RHOD: variants seen among roughly 807,000 people sequenced by gnomAD.
RHOD encodes ras homolog family member D, also known as rho-related GTP-binding protein RhoD.
Under a neutral mutation model 16.7 loss-of-function variants are expected in RHOD, and 11 were observed. That is an observed-to-expected ratio of 0.66 (90% CI 0.41 to 1.09). The LOEUF is 1.09. Ranked by LOEUF, RHOD falls within the 50% of genes least tolerant of loss-of-function variation. The pLI is 0.00. For synonymous variants in RHOD, 124 were observed against 126.3 expected, an observed-to-expected ratio of 0.98 and a Z score of 0.12; for missense variants, 271 against 291.7, an observed-to-expected ratio of 0.93 and a Z score of 0.52.
intron 4 of RHOD, 73 bp from the exon 5 acceptor site, chr11:67,071,362 G>A (rs1415855950): frequency 1.7e-5 from 25 of 1,434,084 alleles, no homozygotes; most frequent in East Asian, 2.5e-5. Flanking sequence ...ACTCTTGTCC[G>A]GGAAAAGGAA....
chr11:67,065,990 GTGCA>G lies in RHOD; in HGVS notation c.220+8_220+11del. On this transcript the variant is annotated splice_region_variant and intron_variant, in intron 2 of 4. Coordinates refer to ENST00000308831, the MANE Select transcript of RHOD (RefSeq NM_014578.4). Reference sequence around the variant, plus strand: ...CACATCTGGGACACAGCAGGTGGGTGTGCAGGGGTGGGGCAGGGTGGGAGGGGCT... The same window carrying G: ...CACATCTGGGACACAGCAGGTGGGTGGGGGTGGGGCAGGGTGGGAGGGGCT... 1 of 1,554,656 alleles carries G rather than the reference GTGCA, an allele frequency of 6.4e-7. No homozygotes were observed. Among genetic ancestry groups the G allele is most frequent in the Non-Finnish European group, 8.9e-7 (1 of 1,127,194 alleles).
chr11:67,056,918 G>C lies in RHOD; in HGVS notation c.16G>C (p.Ala6Pro). The C allele has an allele frequency of 6.8e-7, 1 of 1,466,936 alleles. No individual in the cohort carries two copies. The highest frequency in any genetic ancestry group is 8.9e-7 in the Non-Finnish European group (1 of 1,118,050). The allele number at this position is 1,466,936 out of a possible 1,614,324, so 90.9% of individuals were successfully genotyped here. A position where few individuals can be genotyped will look rare whatever the true frequency, so the allele number is the denominator to read the frequency against. Residue 6 changes from alanine to proline, a missense_variant, in exon 1 of 5, where the codon GCC (alanine) becomes CCC (proline). By Grantham distance (27) the Ala-to-Pro change is conservative. Transcript: ENST00000308831. MTAAQ[A>P]AGEEAPPGVR... ...CGGCCCCGGGATGACGGCGGCCCAG[G>C]CCGCGGGTGAGGAGGCGCCACCAGG...
chr11:67,057,175 C>A lies in RHOD; in HGVS notation c.132+141C>A. ...GGGGCCTGGGGTCCAGGGCAGAGTT[C>A]TTCCGCCCCAGCCATTGGGAATGAA... On this transcript the variant is annotated intron_variant, in intron 1 of 4. Transcript: ENST00000308831. 2.9e-6 allele frequency: 3 copies of A among 1,047,716 alleles called. No individual in the cohort carries two copies. In the African/African-American group the frequency reaches 5.1e-5, roughly 18 times the overall value. 64.9% of individuals were successfully genotyped at this position (1,047,716 alleles called of 1,614,324 possible).
rs901336614 is a variant in RHOD at position 67,065,931 on chromosome 11, C to G, written c.168C>G (p.Val56=). ...YTPTVFERYM[V]NLQVKGKPVH... ...CCACGGTGTTTGAGCGGTACATGGT[C>G]AACCTGCAAGTGAAAGGCAAACCTG... The change falls in exon 2 of 5, where the codon GTC becomes GTG. Residue 56 remains valine (V), a synonymous_variant. Coordinates refer to ENST00000308831, the MANE Select transcript of RHOD (RefSeq NM_014578.4). 1.4e-5 allele frequency: 21 copies of G among 1,522,420 alleles called. No homozygotes were observed. The highest frequency in any genetic ancestry group is 1.9e-5 in the Non-Finnish European group (21 of 1,121,650). The allele number at this position is 1,522,420 out of a possible 1,614,324, so 94.3% of individuals were successfully genotyped here.
intron 1 of RHOD, among the ~76,000 whole-genome samples, chr11:67,059,385 C>T (rs1854858477): frequency 6.6e-6 from 1 of 151,472 alleles, no homozygotes; most frequent in African/African-American, 2.4e-5. Context: ...ACCGAAAATA[C>T]AAAAAAAATT....
chr11:67,057,202 G>T (rs1327038081), intron 1 of RHOD, among the ~76,000 whole-genome samples, 168 bp downstream of exon 1: 1 of 152,246 alleles, frequency 6.6e-6, no homozygotes, highest in African/African-American at 2.4e-5. Context: ...GGGAATGAAG[G>T]CCTCAGTGAT....
At chr11:67,057,566 C>T (rs1854828715) in intron 1 of RHOD, among the ~76,000 whole-genome samples, 1 of 152,232 alleles carries the variant, frequency 6.6e-6, no homozygotes, top group Non-Finnish European at 1.5e-5. Flanking sequence ...ACATGTCGCT[C>T]CTGGGAAACA....
chr11:67,061,832 G>T (rs1854894118), intron 1 of RHOD, among the ~76,000 whole-genome samples: 1 of 144,728 alleles, frequency 6.9e-6, no homozygotes, highest in African/African-American at 2.6e-5. Context: ...GTGTGTGTGT[G>T]TGTGTGTGTG....
intron 1 of RHOD, among the ~76,000 whole-genome samples, chr11:67,064,441 A>G (rs971688426): frequency 2.6e-5 from 4 of 151,768 alleles, no homozygotes; most frequent in African/African-American, 7.3e-5. Context: ...AGGAAAAAAA[A>G]CGGTAGAGGG....
chr11:67,060,274 G>A (rs895287126), intron 1 of RHOD, among the ~76,000 whole-genome samples: 1 of 152,234 alleles, frequency 6.6e-6, no homozygotes, highest in African/African-American at 2.4e-5. Flanking sequence ...TTCATTTTCT[G>A]TCTGTGAGCC....
At chr11:67,060,119 G>A (rs1854867916) in intron 1 of RHOD, among the ~76,000 whole-genome samples, 1 of 152,202 alleles carries the variant, frequency 6.6e-6, no homozygotes, top group African/African-American at 2.4e-5. Flanking sequence ...CACCAGCATG[G>A]GGATAGGAGG....
chr11:67,064,105 C>CAAAAAA (rs1280364068), intron 1 of RHOD, among the ~76,000 whole-genome samples: 1 of 45,588 alleles, frequency 2.2e-5, no homozygotes. Flanking sequence ...GACTCCGTCT[C>CAAAAAA]AAAAAAAAAA....
chr11:67,066,973 G>A, intron 3 of RHOD, 126 bp downstream of exon 3: 1 of 723,608 alleles, frequency 1.4e-6, no homozygotes, highest in South Asian at 1.5e-5. Flanking sequence ...CAGAGCTTTT[G>A]GTGTATATAT....
intron 3 of RHOD, 123 bp downstream of exon 3, chr11:67,066,970 T>G: frequency 1.4e-6 from 1 of 734,790 alleles, no homozygotes; most frequent in South Asian, 1.5e-5. Context: ...TTCCAGAGCT[T>G]TTGGTGTATA....
At chr11:67,065,564 T>A (rs937780133) in intron 1 of RHOD, among the ~76,000 whole-genome samples, 2 of 152,098 alleles carry the variant, frequency 1.3e-5, no homozygotes, top group Non-Finnish European at 2.9e-5. Context: ...AGAGACGGTT[T>A]CACCATGTTG....
At chr11:67,063,042 T>C (rs962517535) in intron 1 of RHOD, among the ~76,000 whole-genome samples, 2 of 152,166 alleles carry the variant, frequency 1.3e-5, no homozygotes, top group Non-Finnish European at 2.9e-5. Context: ...GTAAGGGGCC[T>C]CTGTCCTGGG....
At chr11:67,068,046 G>A (rs974020651) in intron 3 of RHOD, among the ~76,000 whole-genome samples, 20 of 152,212 alleles carry the variant, frequency 1.3e-4, no homozygotes, top group African/African-American at 4.1e-4. Context: ...TGATCCGCCC[G>A]CCTCGGCCTC....
chr11:67,057,905 T>A (rs189476279), intron 1 of RHOD, among the ~76,000 whole-genome samples: 82 of 152,350 alleles, frequency 5.4e-4, no homozygotes, highest in African/African-American at 1.9e-3. Flanking sequence ...CCAGGCAGAC[T>A]CCACGGGCAC....
intron 1 of RHOD, among the ~76,000 whole-genome samples, chr11:67,064,304 G>C (rs1186955666): frequency 2.7e-5 from 4 of 149,910 alleles, no homozygotes; most frequent in South Asian, 2.1e-4. Context: ...TACTCAGGAG[G>C]CTGAGGCAGG....
Sources: allele counts gnomAD v4.1 joint callset (sites outside exome capture counted in the v4.1 genomes callset), GRCh38; gene constraint gnomAD v4.1.1; transcripts MANE v1.5; gene names NCBI Gene and HGNC (gene_info 2026-07-23, HGNC 2026-07-21).